Variants in NOL4 observed in about 807,000 individuals in gnomAD.
NOL4 encodes the protein cancer/testis antigen 125.
NOL4 carries 17 observed loss-of-function variants against 75.9 expected under a neutral mutation model. The ratio of observed to expected loss-of-function variants is 0.22; its 90% CI spans 0.15 to 0.34. The LOEUF is 0.34. Ranked by LOEUF, NOL4 falls within the 10% of genes least tolerant of loss-of-function variation. The pLI is 1.00. For synonymous variants in NOL4, 292 were observed against 289.9 expected, an observed-to-expected ratio of 1.01 and a Z score of -0.07; for missense variants, 614 against 793.5, an observed-to-expected ratio of 0.77 and a Z score of 2.72.
At chr18:34,089,857 CACTGAGTTTGATAT>C (rs2078424993) in intron 5 of NOL4, among the ~76,000 whole-genome samples, 1 of 152,136 alleles carries the variant, frequency 6.6e-6, no homozygotes, top group South Asian at 2.1e-4. Flanking sequence ...ATAGTGGCAA[CACTGAGTTTGATAT>C]ACATTCCTTA....
At chr18:34,103,689 G>A (rs1296374069) in intron 4 of NOL4, among the ~76,000 whole-genome samples, 2 of 151,970 alleles carry the variant, frequency 1.3e-5, no homozygotes, top group African/African-American at 4.8e-5. Flanking sequence ...AATAGCCTTA[G>A]TACTTAAATT....
chr18:33,904,797 T>C (rs1408629184), intron 9 of NOL4, among the ~76,000 whole-genome samples: 1 of 152,172 alleles, frequency 6.6e-6, no homozygotes, highest in Non-Finnish European at 1.5e-5. Flanking sequence ...GACTTTCTTA[T>C]TGATGCAGGG....
chr18:34,110,136 A>G (rs2079518924), intron 2 of NOL4, among the ~76,000 whole-genome samples: 2 of 95,134 alleles, frequency 2.1e-5, no homozygotes, highest in Admixed American at 1.9e-4. Flanking sequence ...CACAAAAAAA[A>G]AAAAAAAAAA....
chr18:34,187,331 A>G (rs189007003), intron 1 of NOL4, among the ~76,000 whole-genome samples: 2 of 147,896 alleles, frequency 1.4e-5, no homozygotes, highest in Admixed American at 1.3e-4. Context: ...TTTGCATTTA[A>G]GGTTCTTCTA....
chr18:33,892,019 T>G (rs1015727054), intron 9 of NOL4, among the ~76,000 whole-genome samples: 2 of 152,158 alleles, frequency 1.3e-5, no homozygotes, highest in African/African-American at 4.8e-5. Context: ...AATATAAAGT[T>G]AATTCATGTT....
chr18:33,935,525 A>G (rs528873596), intron 9 of NOL4, among the ~76,000 whole-genome samples: 120 of 152,244 alleles, frequency 7.9e-4, no homozygotes, highest in Non-Finnish European at 1.3e-3. Context: ...GTGTCCCAAA[A>G]TAAGTACTAT....
At chr18:34,154,695 T>C (rs1161070119) in intron 1 of NOL4, among the ~76,000 whole-genome samples, 1 of 151,240 alleles carries the variant, frequency 6.6e-6, no homozygotes, top group Non-Finnish European at 1.5e-5. Flanking sequence ...ACTATTGCTA[T>C]ATATATATAT....
At chr18:34,037,209 C>T (rs1395676332) in intron 5 of NOL4, among the ~76,000 whole-genome samples, 1 of 152,004 alleles carries the variant, frequency 6.6e-6, no homozygotes, top group Non-Finnish European at 1.5e-5. Context: ...ATAAACTTAA[C>T]CAAGGAAGTG....
At chr18:34,151,226 G>A (rs2081622740) in intron 1 of NOL4, among the ~76,000 whole-genome samples, 1 of 151,818 alleles carries the variant, frequency 6.6e-6, no homozygotes. Flanking sequence ...ACCCAAAGAG[G>A]TTGAAAACTT....
chr18:34,149,640 T>A (rs12604380), intron 1 of NOL4, among the ~76,000 whole-genome samples: 33,384 of 151,438 alleles, frequency 0.22, 4,389 homozygotes, highest in East Asian at 0.44. Context: ...TGATGAATAA[T>A]ATCCCATTGC....
chr18:33,932,281 G>A (rs976413015), intron 9 of NOL4, among the ~76,000 whole-genome samples: 6 of 152,024 alleles, frequency 3.9e-5, no homozygotes, highest in Non-Finnish European at 8.8e-5. Flanking sequence ...AGGTCTTAAG[G>A]TAGGGCATTT....
chr18:34,118,246 A>G (rs1166869847), intron 2 of NOL4, among the ~76,000 whole-genome samples: 1 of 152,214 alleles, frequency 6.6e-6, no homozygotes, highest in Non-Finnish European at 1.5e-5. Flanking sequence ...GTATGTACCT[A>G]AAAGAATTTG....
intron 5 of NOL4, among the ~76,000 whole-genome samples, chr18:34,084,123 G>C (rs1031511611): frequency 1.6e-4 from 24 of 152,272 alleles, no homozygotes; most frequent in African/African-American, 5.3e-4. Context: ...AGTCCTGTTG[G>C]GAGGTCTCAC....
At chr18:34,039,259 T>A (rs1008922720) in intron 5 of NOL4, among the ~76,000 whole-genome samples, 1 of 151,998 alleles carries the variant, frequency 6.6e-6, no homozygotes, top group African/African-American at 2.4e-5. Flanking sequence ...AAGGGTTCCA[T>A]ATTGAGTAGC....
chr18:33,959,285 A>G (rs574145734), intron 6 of NOL4, among the ~76,000 whole-genome samples: 83 of 152,296 alleles, frequency 5.4e-4, no homozygotes, highest in Non-Finnish European at 9.9e-4. Flanking sequence ...GCATAAGTAT[A>G]TCTACATGTT....
chr18:33,907,596 AT>A (rs1260048181), intron 9 of NOL4, among the ~76,000 whole-genome samples: 3 of 152,054 alleles, frequency 2.0e-5, no homozygotes, highest in Non-Finnish European at 4.4e-5. Context: ...ATGGAGGTAC[AT>A]TTTTTTATAG....
chr18:33,932,784 G>A lies in NOL4; in HGVS notation c.1542+10281C>T, dbSNP rs1473392479. ...CCATCCTGAGCAATTCTGTGACCTG[G>A]AGAAATTTTTTCAACTTTTCTGAGC... On this transcript the variant is annotated intron_variant, in intron 9 of 10. Coordinates refer to ENST00000261592, the MANE Select transcript of NOL4 (RefSeq NM_003787.5). Among the ~76,000 whole-genome samples the A allele has an allele frequency of 2.6e-5, 4 of 152,040 alleles. No homozygotes were observed. In the East Asian group the frequency reaches 7.7e-4, roughly 29 times the overall value.
chr18:34,028,319 A>T (rs995908047), intron 5 of NOL4, among the ~76,000 whole-genome samples: 3 of 152,256 alleles, frequency 2.0e-5, no homozygotes, highest in Non-Finnish European at 4.4e-5. Context: ...CACCTGATTC[A>T]GAGTGTTCAC....
chr18:34,204,758 A>G (rs1013499565), intron 1 of NOL4, among the ~76,000 whole-genome samples: 20 of 152,272 alleles, frequency 1.3e-4, no homozygotes, highest in Admixed American at 9.8e-4. Flanking sequence ...TACCAATTAT[A>G]TAAGAAAAAG....
Sources: gnomAD v4.1 joint callset for allele counts (sites outside exome capture counted in the v4.1 genomes callset) on GRCh38, gnomAD v4.1.1 for gene constraint, MANE v1.5 for transcripts, NCBI Gene and HGNC (gene_info 2026-07-23, HGNC 2026-07-21) for gene names.